AFAP1L2: variants seen among roughly 807,000 people sequenced by gnomAD.
AFAP1L2 encodes the protein actin filament associated protein 1 like 2, also known as actin filament-associated protein 1-like 2.
AFAP1L2 carries 46 observed loss-of-function variants against 99.3 expected under a neutral mutation model. The observed-to-expected ratio is 0.46, with a 90% CI of 0.37 to 0.59. The LOEUF is 0.59. Among genes scored for constraint, AFAP1L2 ranks in the 20% least tolerant of loss-of-function variants. The pLI is 0.00. For missense variants in AFAP1L2, 959 were observed against 1,034.9 expected (o/e 0.93, Z 1.01); for synonymous variants, 397 against 419.1 (o/e 0.95, Z 0.64).
At chr10:114,282,658 G>A in the AFAP1L2 span, 1 of 1,223,306 alleles carries the variant, frequency 8.2e-7, no homozygotes, top group Non-Finnish European at 1.2e-6. Flanking sequence ...TCCTGGGACA[G>A]AGGGTGGGGT....
In AFAP1L2 at chr10:114,313,990, C is replaced by T. The variant is rs757936294; in HGVS notation, c.673G>A (p.Val225Ile). 21 of 1,613,938 alleles carry T rather than the reference C, an allele frequency of 1.3e-5. No individual in the cohort carries two copies. The highest frequency in any genetic ancestry group is 1.7e-5 in the Non-Finnish European group (20 of 1,180,000). The change falls in exon 7 of 19, where the codon GTC becomes ATC. Residue 225 changes from valine (V) to isoleucine (I), a missense_variant. Physicochemically the swap from Val to Ile is conservative, Grantham distance 29 (BLOSUM62 3). This residue lies in a region of AFAP1L2 where 383 missense variants were observed against 472.8 expected (regional missense o/e 0.81). Transcript: ENST00000304129. ...QLDVNLLGSSVIHKEKQVRKK... is the reference protein window; with the variant it reads ...QLDVNLLGSSIIHKEKQVRKK... ...CGCACTTGCTTCTCCTTGTGAATGA[C>T]GCTGCTGCCCAGTAGGTTCACGTCC...
chr10:114,366,413 A>G (rs1480648206), intron 1 of AFAP1L2, among the ~76,000 whole-genome samples: 1 of 152,134 alleles, frequency 6.6e-6, no homozygotes, highest in Non-Finnish European at 1.5e-5. Context: ...GGCTGTGACC[A>G]TGTTATTTAT....
intron 5 of AFAP1L2, among the ~76,000 whole-genome samples, chr10:114,320,532 C>A (rs796613821): frequency 6.6e-6 from 1 of 152,228 alleles, no homozygotes; most frequent in Non-Finnish European, 1.5e-5. Context: ...ATCCCCAGGC[C>A]TCTCCTTGGC....
intron 1 of AFAP1L2, among the ~76,000 whole-genome samples, chr10:114,365,793 A>AT (rs1298350409): frequency 6.7e-6 from 1 of 150,118 alleles, no homozygotes; most frequent in Non-Finnish European, 1.5e-5. Context: ...TGGCATGATC[A>AT]TGGCTTACTG....
In AFAP1L2 at chr10:114,304,764, G is replaced by A. The variant is rs376548174; in HGVS notation, c.1239C>T (p.Tyr413=). ...VVPDPSPDHL[Y]SFRILHKGEE... ...CGCCCTTGTGGAGGATGCGGAAGGA[G>A]TAGAGGTGGTCGGGGCTGGGGTCTG... The change falls in exon 11 of 19, where the codon TAC becomes TAT. Residue 413 remains tyrosine (Y), a synonymous_variant. Transcript: ENST00000304129. The A allele has an allele frequency of 8.1e-6, 13 of 1,612,580 alleles. No homozygotes were observed. The highest frequency in any genetic ancestry group is 3.3e-5 in the Admixed American group (2 of 59,998).
intron 2 of AFAP1L2, among the ~76,000 whole-genome samples, chr10:114,338,986 G>A (rs1048943739): frequency 4.2e-4 from 64 of 152,162 alleles, no homozygotes; most frequent in African/African-American, 1.5e-3. Context: ...TATTGGGCAG[G>A]TTAAACTCTC....
At position 114,301,450 on chromosome 10, in the gene AFAP1L2, C is replaced by A. The variant is rs148826444; in HGVS notation, c.1446G>T (p.Lys482Asn). ...AKNSLLLMQR[K>N]FSEPNTYIDG... ...CGATGTAAGTGTTGGGCTCTGAGAA[C>A]TTTCTCTGCATCAGTCTGGAAACAG... is the stretch of plus-strand genomic sequence containing the variant. The change falls in exon 13 of 19, where the codon AAG becomes AAT. Residue 482 changes from lysine to asparagine, a missense_variant. Around this residue, in one of 2 missense-constraint regions of AFAP1L2, gnomAD observed 576 missense variants for 562.1 expected, o/e 1.02. Transcript: ENST00000304129. 4.3e-4 allele frequency: 702 copies of A among 1,613,834 alleles called. 1 individual carries two copies. The highest frequency in any genetic ancestry group is 6.6e-4 in the Middle Eastern group (4 of 6,062).
At chr10:114,343,075 A>G (rs989079397) in intron 1 of AFAP1L2, among the ~76,000 whole-genome samples, 6 of 152,262 alleles carry the variant, frequency 3.9e-5, no homozygotes, top group African/African-American at 1.4e-4. Context: ...GATTAAGAGT[A>G]AAGAGAAGTC....
intron 8 of AFAP1L2, 44 bp from the exon 9 acceptor site, chr10:114,308,561 A>G (rs2042761410): frequency 1.9e-6 from 3 of 1,559,292 alleles, no homozygotes; most frequent in Middle Eastern, 1.7e-4. Flanking sequence ...GGCTGGGAAC[A>G]GTTACCTTGG....
chr10:114,353,657 T>A (rs564675798), intron 1 of AFAP1L2, among the ~76,000 whole-genome samples: 37 of 152,300 alleles, frequency 2.4e-4, no homozygotes, highest in African/African-American at 8.9e-4. Context: ...TTGGTAAAGA[T>A]TTGCTTATTA....
intron 9 of AFAP1L2, 129 bp from the exon 10 acceptor site, chr10:114,308,038 AT>A: frequency 1.4e-6 from 1 of 730,256 alleles, no homozygotes. Context: ...ATGCGCGCAC[AT>A]ATGCACGCAT....
intron 5 of AFAP1L2, 62 bp downstream of exon 5, chr10:114,323,109 G>A (rs1384705525): frequency 6.9e-7 from 1 of 1,458,056 alleles, no homozygotes; most frequent in African/African-American, 1.4e-5. Flanking sequence ...AGGTAAGTCT[G>A]CACCAACATC....
chr10:114,302,268 C>G (rs995346385), intron 12 of AFAP1L2, 71 bp downstream of exon 12: 8 of 1,600,458 alleles, frequency 5.0e-6, no homozygotes, highest in African/African-American at 4.0e-5. Context: ...GCCCCTGACT[C>G]TGGCTGACCC....
At chr10:114,319,428 G>A (rs908363861) in intron 5 of AFAP1L2, 7 of 591,914 alleles carry the variant, frequency 1.2e-5, no homozygotes, top group South Asian at 5.5e-5. Flanking sequence ...AAGATCGCAC[G>A]TGGCATGCAA....
chr10:114,360,504 G>C (rs1422819168), intron 1 of AFAP1L2, among the ~76,000 whole-genome samples: 2 of 123,584 alleles, frequency 1.6e-5, no homozygotes, highest in Non-Finnish European at 3.3e-5. Context: ...TAGATAGATA[G>C]ATAGTTAGAT....
Position 114,315,580 on chromosome 10 carries a change from T to C in AFAP1L2, c.592A>G (p.Ile198Val). The C allele has an allele frequency of 6.2e-7, 1 of 1,614,098 alleles. No individual in the cohort carries two copies. Among genetic ancestry groups the C allele is most frequent in the African/African-American group, 1.3e-5 (1 of 75,058 alleles). ...CTGACCAGAAGCCTGTTGTCCTTGATGACACAGAGCTGCTTGGCCCACTGT... is the reference window on the plus strand; with the variant it reads ...CTGACCAGAAGCCTGTTGTCCTTGACGACACAGAGCTGCTTGGCCCACTGT... ...LGQWAKQLCVIKDNRLLCYKS... is the reference protein window; with the variant it reads ...LGQWAKQLCVVKDNRLLCYKS... Residue 198 changes from isoleucine to valine, a missense_variant, in exon 6 of 19, where the codon ATC becomes GTC. By Grantham distance (29) the Ile-to-Val change is conservative. Around this residue, in one of 2 missense-constraint regions of AFAP1L2, gnomAD observed 383 missense variants for 472.8 expected, o/e 0.81. Coordinates refer to ENST00000304129, the MANE Select transcript of AFAP1L2 (RefSeq NM_001001936.3).
At chr10:114,402,687 A>C (rs540632461) in intron 1 of AFAP1L2, among the ~76,000 whole-genome samples, 1 of 152,336 alleles carries the variant, frequency 6.6e-6, no homozygotes, top group Non-Finnish European at 1.5e-5. Flanking sequence ...AACTAAGAAG[A>C]CTTTTATCAG....
chr10:114,320,481 G>A (rs1554896229), intron 5 of AFAP1L2, among the ~76,000 whole-genome samples: 1 of 152,226 alleles, frequency 6.6e-6, no homozygotes, highest in Non-Finnish European at 1.5e-5. Context: ...GGCAGGTGAA[G>A]GCCTCCCTCT....
chr10:114,286,865 C>T, the AFAP1L2 span, among the ~76,000 whole-genome samples: 1 of 152,216 alleles, frequency 6.6e-6, no homozygotes, highest in African/African-American at 2.4e-5. Flanking sequence ...GGCTCCAGAG[C>T]AGCAGCTTCC....
Sources: allele counts gnomAD v4.1 joint callset (sites outside exome capture counted in the v4.1 genomes callset), GRCh38; gene constraint gnomAD v4.1.1; regional missense constraint gnomAD v4.1.1; transcripts MANE v1.5; gene names NCBI Gene and HGNC (gene_info 2026-07-23, HGNC 2026-07-21).